Variants in LPIN3 observed in about 807,000 individuals in gnomAD.
LPIN3 encodes lipin 3, also known as phosphatidate phosphatase LPIN3.
A neutral mutation model predicts 94.7 loss-of-function variants in LPIN3; 82 were observed. That is an observed-to-expected ratio of 0.87 (90% CI 0.72 to 1.04). The LOEUF is 1.04. Ranked by LOEUF, LPIN3 falls within the 50% of genes least tolerant of loss-of-function variation. The pLI is 0.00. For missense variants in LPIN3, 996 were observed against 1,090.5 expected, an observed-to-expected ratio of 0.91 and a Z score of 1.22; for synonymous variants, 418 against 443.3, an observed-to-expected ratio of 0.94 and a Z score of 0.72.
Position 41,350,285 on chromosome 20 carries a change from G to T in LPIN3, c.990G>T (p.Lys330Asn), listed in dbSNP as rs773909516. ...PLHTPETEES[K>N]TQSSGDMGLP... The stretch of plus-strand genomic sequence containing the variant: ...ACACCCCAGAGACAGAGGAAAGCAA[G>T]ACTCAGAGCTCTGGGGACATGGGCC... The change falls in exon 7 of 20, where the codon AAG becomes AAT. Residue 330 changes from lysine (K) to asparagine (N), a missense_variant. Transcript: ENST00000373257. The T allele has an allele frequency of 5.6e-6, 9 of 1,613,516 alleles. No individual in the cohort carries two copies. Among genetic ancestry groups the T allele is most frequent in the Non-Finnish European group, 6.8e-6 (8 of 1,179,740 alleles).
intron 11 of LPIN3, among the ~76,000 whole-genome samples, chr20:41,354,113 A>G (rs2046123131): frequency 6.6e-6 from 1 of 152,214 alleles, no homozygotes; most frequent in South Asian, 2.1e-4. Context: ...CTATAATAGC[A>G]TAGATCTAAT....
rs563980748 is a variant in LPIN3, at chr20:41,358,165, C to T, written c.2193-72C>T. 4 of 1,585,890 alleles carry T rather than the reference C, an allele frequency of 2.5e-6. No individual in the cohort carries two copies. The South Asian group carries it at 4.4e-5, about 18-fold the overall frequency. On this transcript the variant is annotated intron_variant, in intron 17 of 19. Transcript: ENST00000373257. ...AGGGTGGGGTCAGACCCCCCATCAC[C>T]TGAGCCTGCCATCCCCTCTGGCTTC...
At chr20:41,343,728 A>G (rs1260947035) in intron 1 of LPIN3, among the ~76,000 whole-genome samples, 1 of 152,242 alleles carries the variant, frequency 6.6e-6, no homozygotes, top group Non-Finnish European at 1.5e-5. Flanking sequence ...TTTCAAACAC[A>G]TGAAAGGCTG....
Position 41,348,751 on chromosome 20 carries a change from C to A in LPIN3, c.421C>A (p.Arg141=). The A allele has an allele frequency of 1.2e-6, 2 of 1,613,284 alleles. No individual in the cohort carries two copies. Among genetic ancestry groups the A allele is most frequent in the African/African-American group, 1.3e-5 (1 of 74,950 alleles). ...CATGGCAGGCACGGCCTCCACTGGGCGGAGGAAGAGGCGTCGCAGGAGGAA... is the reference window on the plus strand; with the variant it reads ...CATGGCAGGCACGGCCTCCACTGGGAGGAGGAAGAGGCGTCGCAGGAGGAA... ...LVMAGTASTG[R]RKRRRRRKPK... is the part of the protein sequence containing the mutation. The change falls in exon 4 of 20, where the codon CGG becomes AGG. Residue 141 remains arginine, a synonymous_variant. Coordinates refer to ENST00000373257, the MANE Select transcript of LPIN3 (RefSeq NM_022896.3).
At chr20:41,341,399 G>A (rs927833968) in intron 1 of LPIN3, among the ~76,000 whole-genome samples, 1 of 152,178 alleles carries the variant, frequency 6.6e-6, no homozygotes, top group African/African-American at 2.4e-5. Flanking sequence ...GCTGCTGGGG[G>A]CTGGGGTGGC....
intron 1 of LPIN3, among the ~76,000 whole-genome samples, chr20:41,344,488 C>T (rs1371027035): frequency 6.6e-6 from 1 of 152,212 alleles, no homozygotes; most frequent in African/African-American, 2.4e-5. Context: ...GGTTCTGACC[C>T]AGGGTCTGAG....
chr20:41,357,530 C>G lies in LPIN3; in HGVS notation c.2039+83C>G, dbSNP rs1023318172. ...TGACAGGACAGGACATCTTGGGGAC[C>G]AGCAGGGCCCACAAGGCAGGCTGCC... On this transcript the variant is annotated intron_variant, in intron 16 of 19. Coordinates refer to ENST00000373257, the MANE Select transcript of LPIN3 (RefSeq NM_022896.3). The G allele has an allele frequency of 3.3e-6, 4 of 1,227,268 alleles. No homozygotes were observed. In the African/African-American group the frequency reaches 6.0e-5, roughly 18 times the overall value. The allele number at this position is 1,227,268 out of a possible 1,614,324, so 76.0% of individuals were successfully genotyped here.
chr20:41,356,224 T>A (rs546164736), intron 14 of LPIN3, among the ~76,000 whole-genome samples, 190 bp downstream of exon 14: 38 of 152,308 alleles, frequency 2.5e-4, no homozygotes, highest in African/African-American at 9.1e-4. Flanking sequence ...TCACTTCTCA[T>A]GACAGCCCAT....
chr20:41,347,751 C>A, intron 3 of LPIN3, 104 bp downstream of exon 3: 1 of 998,330 alleles, frequency 1.0e-6, no homozygotes, highest in Non-Finnish European at 1.5e-6. Context: ...TCCCCGGGAG[C>A]ACCCCACCAG....
In LPIN3 at chr20:41,345,450, G is replaced by A. The variant is rs115022329; in HGVS notation, c.-8-346G>A. On this transcript the variant is annotated intron_variant, in intron 1 of 19. Transcript: ENST00000373257. ...CACAGGGTTGTTGTGAAGATGAAAT[G>A]AGCCGTACCCACGGAACACTGTGGT... 7.7e-3 allele frequency among the ~76,000 whole-genome samples: 1,175 copies of A among 152,360 alleles called. 11 individuals carry two copies. Among genetic ancestry groups the A allele is most frequent in the African/African-American group, 0.027 (1,109 of 41,590 alleles).
chr20:41,356,379 C>G, intron 14 of LPIN3, among the ~76,000 whole-genome samples: 1 of 152,206 alleles, frequency 6.6e-6, no homozygotes, highest in East Asian at 1.9e-4. Flanking sequence ...TCTGGCAACC[C>G]TTGGCCCCAA....
chr20:41,349,232 G>A (rs1373375360), intron 5 of LPIN3, 60 bp downstream of exon 5: 25 of 1,472,534 alleles, frequency 1.7e-5, no homozygotes, highest in Non-Finnish European at 2.3e-5. Flanking sequence ...GTTTCCATTT[G>A]CATTTTTCCT....
rs2046343938 is a variant in LPIN3, at chr20:41,360,311, C to T, written c.*1445C>T. ...GCCCCTTTCCTCCAGCTGGTGGCTC[C>T]TTCTCAGGGCCTGGCCTCATTCAGG... is the stretch of plus-strand genomic sequence containing the variant. On this transcript the variant is annotated 3_prime_UTR_variant, in exon 20 of 20. Coordinates refer to ENST00000373257, the MANE Select transcript of LPIN3 (RefSeq NM_022896.3). 2 of 152,388 alleles carry T rather than the reference C, an allele frequency of 1.3e-5. No homozygotes were observed. Among genetic ancestry groups the T allele is most frequent in the Non-Finnish European group, 2.9e-5 (2 of 68,028 alleles). The allele number at this position is 152,388 out of a possible 1,614,324, so 9.4% of individuals were successfully genotyped here.
intron 1 of LPIN3, among the ~76,000 whole-genome samples, chr20:41,344,253 C>T (rs999173850): frequency 2.0e-5 from 3 of 152,170 alleles, no homozygotes; most frequent in Non-Finnish European, 4.4e-5. Context: ...GCCATGCAAC[C>T]AACTCTTGGG....
chr20:41,348,000 G>A (rs1417154182), intron 3 of LPIN3, among the ~76,000 whole-genome samples: 1 of 152,222 alleles, frequency 6.6e-6, no homozygotes, highest in Non-Finnish European at 1.5e-5. Context: ...ATAACATCTG[G>A]CTTGTCCTGG....
intron 11 of LPIN3, 37 bp from the exon 12 acceptor site, chr20:41,354,608 T>C (rs1203316289): frequency 4.6e-6 from 7 of 1,534,096 alleles, no homozygotes; most frequent in Non-Finnish European, 6.2e-6. Flanking sequence ...GTTTATGTGG[T>C]GCAGGAAACA....
At chr20:41,356,232 C>T (rs1381444812) in intron 14 of LPIN3, among the ~76,000 whole-genome samples, 198 bp downstream of exon 14, 1 of 152,194 alleles carries the variant, frequency 6.6e-6, no homozygotes, top group Non-Finnish European at 1.5e-5. Flanking sequence ...CATGACAGCC[C>T]ATTTGTCTGT....
rs765424968 is a variant in LPIN3 at position 41,349,849 on chromosome 20, A to G, written c.714A>G (p.Leu238=). 3.1e-6 allele frequency: 5 copies of G among 1,613,574 alleles called. No individual in the cohort carries two copies. In the South Asian group the frequency reaches 3.3e-5, roughly 11 times the overall value. ...TGCGGACCCCGGAGCCCAGTCCCCTAAGAGCCGAGTCCCACATGCAGTGGG... is the reference window on the plus strand; with the variant it reads ...TGCGGACCCCGGAGCCCAGTCCCCTGAGAGCCGAGTCCCACATGCAGTGGG... The part of the protein sequence containing the change: ...LEVRTPEPSP[L]RAESHMQWAW... The change falls in exon 6 of 20, where the codon CTA becomes CTG. Residue 238 remains leucine (L), a synonymous_variant. Coordinates refer to ENST00000373257, the MANE Select transcript of LPIN3 (RefSeq NM_022896.3).
At chr20:41,346,926 C>T (rs2045800265) in intron 2 of LPIN3, among the ~76,000 whole-genome samples, 1 of 152,114 alleles carries the variant, frequency 6.6e-6, no homozygotes, top group African/African-American at 2.4e-5. Context: ...AATAGTATAT[C>T]TAAGAGGCTA....
Sources: gnomAD v4.1 joint callset for allele counts (sites outside exome capture counted in the v4.1 genomes callset) on GRCh38, gnomAD v4.1.1 for gene constraint, MANE v1.5 for transcripts, NCBI Gene and HGNC (gene_info 2026-07-23, HGNC 2026-07-21) for gene names.